VWCE: variants seen among roughly 807,000 people sequenced by gnomAD.
The protein encoded by VWCE is von Willebrand factor C and EGF domain-containing protein.
VWCE carries 68 observed loss-of-function variants against 102.9 expected under a neutral mutation model. The observed-to-expected ratio is 0.66, with a 90% confidence interval of 0.54 to 0.81. The LOEUF (loss-of-function observed/expected upper bound fraction) is 0.81. Ranked by LOEUF, VWCE falls within the 30% of genes least tolerant of loss-of-function variation. The probability of loss-of-function intolerance (pLI) is 0.00; values close to 1 mark genes in which losing one functional copy is unlikely to be tolerated. For synonymous variants in VWCE, 497 were observed against 515.4 expected (o/e 0.96, Z 0.48); for missense variants, 1,137 against 1,263.6 (o/e 0.90, Z 1.52).
At chr11:61,278,675 A>G (rs1390092783) in intron 9 of VWCE, among the ~76,000 whole-genome samples, 199 bp from the exon 10 acceptor site, 1 of 152,152 alleles carries the variant, frequency 6.6e-6, no homozygotes, top group African/African-American at 2.4e-5. Flanking sequence ...GGGTCCATTC[A>G]TGTCTCACAA....
Position 61,285,873 on chromosome 11 carries a change from C to A in VWCE, c.541+441G>T, listed in dbSNP as rs1318535322. ...GGTTCAAGCAGTTTTCCTGCCTCAG[C>A]CTCCCGAGTAGCTGGGATTACAGGT... On this transcript the variant is annotated intron_variant, in intron 5 of 19. Coordinates refer to ENST00000335613, the MANE Select transcript of VWCE (RefSeq NM_152718.2). 2.6e-5 allele frequency among the ~76,000 whole-genome samples: 4 copies of A among 152,328 alleles called. No homozygotes were observed. The East Asian group carries it at 7.7e-4, about 29-fold the overall frequency.
At position 61,290,780 on chromosome 11, in the gene VWCE, C is replaced by T. The variant is rs1339266141; in HGVS notation, c.424+19G>A. On this transcript the variant is annotated intron_variant, in intron 4 of 19. Transcript: ENST00000335613. Reference sequence around the variant, plus strand: ...CCGCTGTCCCCCTCCCCCTCCCCCACCACTCCCAGGCGTCTCACCTGTACA... The same window carrying T: ...CCGCTGTCCCCCTCCCCCTCCCCCATCACTCCCAGGCGTCTCACCTGTACA... 3 of 1,585,706 alleles carry T rather than the reference C, an allele frequency of 1.9e-6. No individual in the cohort carries two copies. The highest frequency in any genetic ancestry group is 2.6e-6 in the Non-Finnish European group (3 of 1,161,920).
Position 61,294,822 on chromosome 11 carries a change from C to T in VWCE, c.110+106G>A. 1 of 731,026 alleles carries T rather than the reference C, an allele frequency of 1.4e-6. No individual in the cohort carries two copies. Among genetic ancestry groups the T allele is most frequent in the Non-Finnish European group, 2.0e-6 (1 of 512,002 alleles). 45.3% of individuals were successfully genotyped at this position (731,026 alleles called of 1,614,324 possible). The stretch of plus-strand genomic sequence containing the variant: ...GCTGATAGCACCCCAGAGGAAGCCC[C>T]GACACGCGGCTGCCTGCGGCTCCTG... On this transcript the variant is annotated intron_variant, in intron 1 of 19. Coordinates refer to ENST00000335613, the MANE Select transcript of VWCE (RefSeq NM_152718.2). The surrounding 1 kb of genome is among the most constrained non-coding windows in gnomAD (Gnocchi z 6.3).
chr11:61,281,385 G>A lies in VWCE; in HGVS notation c.788-150C>T, dbSNP rs1246947175. ...CTACTATGTTTATGGGGACACTGTCGCCGTTTGGCAGGGCGAACCACGGAA... is the reference window on the plus strand; with the variant it reads ...CTACTATGTTTATGGGGACACTGTCACCGTTTGGCAGGGCGAACCACGGAA... On this transcript the variant is annotated intron_variant, in intron 7 of 19. Coordinates refer to ENST00000335613, the MANE Select transcript of VWCE (RefSeq NM_152718.2). 10 of 985,080 alleles carry A rather than the reference G, an allele frequency of 1.0e-5. No homozygotes were observed. In the South Asian group the frequency reaches 1.2e-4, roughly 12 times the overall value. The allele number at this position is 985,080 out of a possible 1,614,324, so 61.0% of individuals were successfully genotyped here.
At chr11:61,273,905 C>A in intron 12 of VWCE, 1 of 155,058 alleles carries the variant, frequency 6.4e-6, no homozygotes, top group Non-Finnish European at 1.4e-5. Flanking sequence ...ACCACACCTT[C>A]ACCCTGCTTC....
chr11:61,291,847 T>G (rs1855512866), intron 1 of VWCE, among the ~76,000 whole-genome samples: 1 of 151,912 alleles, frequency 6.6e-6, no homozygotes, highest in Admixed American at 6.6e-5. Context: ...GGCCTCAGAG[T>G]TGAAGAAAGG....
rs569810560 is a variant in VWCE, at chr11:61,291,552, G to A, written c.135C>T (p.Cys45=). 8.9e-6 allele frequency: 13 copies of A among 1,462,134 alleles called. No individual in the cohort carries two copies. The South Asian group carries it at 1.7e-4, about 19-fold the overall frequency. 90.6% of individuals were successfully genotyped at this position (1,462,134 alleles called of 1,614,324 possible). Reference sequence around the variant, plus strand: ...AGCAGCCACTCCCAAACCCAGAGAGGCAGACGTGGGGGCCCAGTCGGCGTC... The same window carrying A: ...AGCAGCCACTCCCAAACCCAGAGAGACAGACGTGGGGGCCCAGTCGGCGTC... ...AERRRLGPHV[C]LSGFGSGCCP... Residue 45 remains cysteine (C), a synonymous_variant, in exon 2 of 20, where the codon TGC becomes TGT. Coordinates refer to ENST00000335613, the MANE Select transcript of VWCE (RefSeq NM_152718.2).
chr11:61,289,529 C>T (rs1196541677), intron 4 of VWCE, among the ~76,000 whole-genome samples: 1 of 151,788 alleles, frequency 6.6e-6, no homozygotes, highest in Non-Finnish European at 1.5e-5. Context: ...GGATTACAGG[C>T]GTGAGCCACC....
chr11:61,283,490 C>T (rs749155341), intron 5 of VWCE, among the ~76,000 whole-genome samples: 3 of 152,178 alleles, frequency 2.0e-5, no homozygotes, highest in Non-Finnish European at 2.9e-5. Flanking sequence ...CAGCTCACTG[C>T]GGTCTCCATC....
chr11:61,291,120 A>C (rs1049184769), intron 3 of VWCE, 144 bp downstream of exon 3: 2 of 1,218,292 alleles, frequency 1.6e-6, no homozygotes, highest in African/African-American at 3.1e-5. Flanking sequence ...CAGTTTCTTC[A>C]TCTATAAAAT....
chr11:61,261,629 G>C (rs1187500909), intron 19 of VWCE, among the ~76,000 whole-genome samples: 6 of 151,384 alleles, frequency 4.0e-5, no homozygotes, highest in Non-Finnish European at 5.9e-5. Flanking sequence ...CATGGGCTTG[G>C]AAATAAAACA....
In VWCE at chr11:61,281,934, C is replaced by A; in HGVS notation, c.659-20G>T. 4 of 1,604,882 alleles carry A rather than the reference C, an allele frequency of 2.5e-6. No individual in the cohort carries two copies. Among genetic ancestry groups the A allele is most frequent in the Non-Finnish European group, 2.6e-6 (3 of 1,173,806 alleles). ...TTACATCTGCGGGAGAGCCTCGCTG[C>A]GGACAGCTGCTTTGTTTGGGCTACG... On this transcript the variant is annotated intron_variant, in intron 6 of 19. Transcript: ENST00000335613.
chr11:61,288,560 G>A (rs1012071636), intron 4 of VWCE, among the ~76,000 whole-genome samples: 31 of 152,166 alleles, frequency 2.0e-4, no homozygotes, highest in African/African-American at 7.2e-4. Context: ...GGGATGTCTC[G>A]TGGCTACAGT....
intron 19 of VWCE, 135 bp downstream of exon 19, chr11:61,264,352 A>T (rs1294236969): frequency 2.4e-6 from 2 of 836,284 alleles, no homozygotes; most frequent in Non-Finnish European, 3.8e-6. Context: ...CAGCTGTACA[A>T]CCTTGCGCGA....
At position 61,291,543 on chromosome 11, in the gene VWCE, C is replaced by G; in HGVS notation, c.144G>C (p.Gly48=). 1 of 1,474,716 alleles carries G rather than the reference C, an allele frequency of 6.8e-7. No individual in the cohort carries two copies. The highest frequency in any genetic ancestry group is 9.0e-7 in the Non-Finnish European group (1 of 1,107,284). The allele number at this position is 1,474,716 out of a possible 1,614,324, so 91.4% of individuals were successfully genotyped here. ...RRLGPHVCLS[G]FGSGCCPGWA... Reference sequence around the variant, plus strand: ...AGCCAGGGCAGCAGCCACTCCCAAACCCAGAGAGGCAGACGTGGGGGCCCA... The same window carrying G: ...AGCCAGGGCAGCAGCCACTCCCAAAGCCAGAGAGGCAGACGTGGGGGCCCA... Residue 48 remains glycine (G), a synonymous_variant, in exon 2 of 20, where the codon GGG becomes GGC. Transcript: ENST00000335613.
intron 7 of VWCE, 141 bp from the exon 8 acceptor site, chr11:61,281,376 G>C: frequency 1.9e-6 from 2 of 1,044,000 alleles, no homozygotes; most frequent in Non-Finnish European, 2.8e-6. Context: ...TGTTTATGGG[G>C]ACACTGTCGC....
In VWCE at chr11:61,276,656, G is replaced by A. The variant is rs376469012; in HGVS notation, c.1432C>T (p.Pro478Ser). The A allele has an allele frequency of 6.2e-7, 1 of 1,607,668 alleles. No individual in the cohort carries two copies. The highest frequency in any genetic ancestry group is 1.7e-5 in the Admixed American group (1 of 59,462). The change falls in exon 11 of 20, where the codon CCT (proline) becomes TCT (serine). Residue 478 changes from proline (P) to serine (S), a missense_variant. Coordinates refer to ENST00000335613, the MANE Select transcript of VWCE (RefSeq NM_152718.2). The stretch of plus-strand genomic sequence containing the variant: ...TGACAGGGGCCAGAAGGACACTCAG[G>A]AGAGATGCAGGACACGTTTCCAGCC... ...CLAGNVSCIS[P>S]ECPSGPCQTP... is the part of the protein sequence containing the mutation.
chr11:61,265,207 G>A lies in VWCE; in HGVS notation c.1971C>T (p.Gly657=), dbSNP rs1358620623. The A allele has an allele frequency of 4.7e-6, 7 of 1,482,420 alleles. No individual in the cohort carries two copies. The highest frequency in any genetic ancestry group is 6.3e-6 in the Non-Finnish European group (7 of 1,114,362). 91.8% of individuals were successfully genotyped at this position (1,482,420 alleles called of 1,614,324 possible). A position where few individuals can be genotyped will look rare whatever the true frequency, so the allele number is the denominator to read the frequency against. ...AGTCCACGGGGGAACAGGCCACTGAGCCCAGCTGCAGGACACAGAAAACAC... is the reference window on the plus strand; with the variant it reads ...AGTCCACGGGGGAACAGGCCACTGAACCCAGCTGCAGGACACAGAAAACAC... The part of the protein sequence containing the change: ...DPCLSCICLL[G]SVACSPVDCP... The change falls in exon 17 of 20, where the codon GGC becomes GGT. Residue 657 remains glycine (G), a synonymous_variant. Transcript: ENST00000335613.
At position 61,259,145 on chromosome 11, in the gene VWCE, G is replaced by A. The variant is rs1334339777; in HGVS notation, c.2398C>T (p.Gln800Ter). ...SPSRPVLHLL[Q>*]LLLRTNLMKT... Reference sequence around the variant, plus strand: ...ATCAAGTTCGTTCTTAAAAGGAGCTGGAGGAGATGAAGCACCGGCCTCGAG... The same window carrying A: ...ATCAAGTTCGTTCTTAAAAGGAGCTAGAGGAGATGAAGCACCGGCCTCGAG... Residue 800 changes from glutamine to a stop codon, truncating the protein, a stop_gained, in exon 20 of 20, where the codon CAG becomes TAG. Transcript: ENST00000335613. LOFTEE classifies it low-confidence loss of function (END_TRUNC). 2 of 1,614,050 alleles carry A rather than the reference G, an allele frequency of 1.2e-6. No individual in the cohort carries two copies. The highest frequency in any genetic ancestry group is 8.5e-7 in the Non-Finnish European group (1 of 1,180,034).
Sources: gnomAD v4.1 joint callset for allele counts (sites outside exome capture counted in the v4.1 genomes callset) on GRCh38, gnomAD v4.1.1 for gene constraint, Gnocchi (gnomAD v3.1) non-coding constraint, MANE v1.5 for transcripts, NCBI Gene and HGNC (gene_info 2026-07-23, HGNC 2026-07-21) for gene names.